FGF14: variants seen among roughly 807,000 people sequenced by gnomAD.
FGF14 encodes fibroblast growth factor 14.
FGF14 carries 5 observed loss-of-function variants against 25.5 expected under a neutral mutation model. That is an observed-to-expected ratio of 0.20 (90% confidence interval 0.10 to 0.41). The LOEUF (loss-of-function observed/expected upper bound fraction) is 0.41, where lower values mean the gene tolerates loss of function less well. FGF14 is among the 10% of genes least tolerant of loss of function. The pLI is 1.00. For missense variants in FGF14, 222 were observed against 320.1 expected, an observed-to-expected ratio of 0.69 and a Z score of 2.34; for synonymous variants, 138 against 118.3, an observed-to-expected ratio of 1.17 and a Z score of -1.08.
intron 1 of FGF14, among the ~76,000 whole-genome samples, chr13:102,132,321 G>A (rs1034023675): frequency 9.2e-5 from 14 of 152,082 alleles, no homozygotes; most frequent in Non-Finnish European, 1.8e-4. Context: ...TACTACTTTT[G>A]TAAATTTAAG....
At chr13:101,775,683 A>G (rs1347379205) in intron 3 of FGF14, among the ~76,000 whole-genome samples, 1 of 152,150 alleles carries the variant, frequency 6.6e-6, no homozygotes. Flanking sequence ...GCCTAGGGAA[A>G]AAGTGTAATG....
rs111338252 is a variant in FGF14, at chr13:102,346,685, C to T, written c.208+54786G>A. 3.0e-3 allele frequency among the ~76,000 whole-genome samples: 448 copies of T among 151,726 alleles called. 2 individuals carry two copies. The highest frequency in any genetic ancestry group is 0.01 in the African/African-American group (428 of 41,370). On this transcript the variant is annotated intron_variant, in intron 1 of 4. Coordinates refer to the FGF14 transcript ENST00000376131. ...AAAGATGGCTCATGGGAAAAGTCTT[C>T]AAGGTTATAAAATTTCAACACTGGA...
intron 1 of FGF14, among the ~76,000 whole-genome samples, chr13:102,146,970 C>G (rs2046880596): frequency 6.6e-6 from 1 of 152,190 alleles, no homozygotes; most frequent in African/African-American, 2.4e-5. Flanking sequence ...CTGCCAGTGG[C>G]TGGCAGCCTA....
rs555963652 is a variant in FGF14, at chr13:101,887,059, T to C, written c.194-11763A>G. Among the ~76,000 whole-genome samples the C allele has an allele frequency of 2.9e-4, 44 of 152,016 alleles. 1 individual carries two copies. The highest frequency in any genetic ancestry group is 1.3e-4 in the Non-Finnish European group (9 of 67,980). The stretch of plus-strand genomic sequence containing the variant: ...GGAAAATAACATATGCCGGGGAGGA[T>C]GCAGAGAAAGGGGAACCCTCATATG... On this transcript the variant is annotated intron_variant, in intron 1 of 4. Coordinates refer to ENST00000376143, the MANE Select transcript of FGF14 (RefSeq NM_004115.4).
At chr13:102,159,153 A>G (rs568357105) in intron 1 of FGF14, among the ~76,000 whole-genome samples, 33 of 142,034 alleles carry the variant, frequency 2.3e-4, no homozygotes, top group East Asian at 6.1e-4. Flanking sequence ...AAAAAAAAAA[A>G]AAAAGAAAAG....
rs60775005 is a variant in FGF14 at position 102,096,001 on chromosome 13, G to GTATA, written c.209-220709_209-220706dup. Among the ~76,000 whole-genome samples, 335 of 134,984 alleles carry GTATA rather than the reference G, an allele frequency of 2.5e-3. 1 individual carries two copies. Among genetic ancestry groups the GTATA allele is most frequent in the South Asian group, 0.011 (45 of 4,230 alleles). The allele number at this position is 134,984 out of a possible 152,430, so 88.6% of individuals were successfully genotyped here. A position where few individuals can be genotyped will look rare whatever the true frequency, so the allele number is the denominator to read the frequency against. ...TTTGTGTGTGTGTGTGTGTGTGTGT[G>GTATA]TATATATATATATATAATATATTTC... On this transcript the variant is annotated intron_variant, in intron 1 of 4. Transcript: ENST00000376131.
chr13:102,380,868 A>C (rs2058167950), intron 1 of FGF14, among the ~76,000 whole-genome samples: 1 of 152,194 alleles, frequency 6.6e-6, no homozygotes, highest in East Asian at 1.9e-4. Context: ...TTTTAATCAA[A>C]GATAAATATA....
chr13:102,305,607 A>C (rs1442937897), intron 1 of FGF14, among the ~76,000 whole-genome samples: 1 of 152,210 alleles, frequency 6.6e-6, no homozygotes, highest in Admixed American at 6.5e-5. Context: ...TATAAATACA[A>C]GTTTGCTAAA....
At chr13:101,954,520 C>T (rs938244941) in intron 1 of FGF14, among the ~76,000 whole-genome samples, 9 of 152,202 alleles carry the variant, frequency 5.9e-5, no homozygotes, top group African/African-American at 2.2e-4. Flanking sequence ...TTTATGCTTG[C>T]AAGAAGTTAA....
intron 1 of FGF14, among the ~76,000 whole-genome samples, chr13:102,070,032 G>T (rs1395287757): frequency 1.3e-5 from 2 of 152,002 alleles, no homozygotes; most frequent in Non-Finnish European, 2.9e-5. Flanking sequence ...TGAACAAATA[G>T]GATCACATCA....
At position 101,720,581 on chromosome 13, in the gene FGF14, T is replaced by TGTGAA. The variant is rs1391348460; in HGVS notation, c.*2245_*2249dup. 6.6e-6 allele frequency: 1 copy of TGTGAA among 151,606 alleles called. No homozygotes were observed. The highest frequency in any genetic ancestry group is 1.9e-4 in the East Asian group (1 of 5,146). 9.4% of individuals were successfully genotyped at this position (151,606 alleles called of 1,614,324 possible). ...GTGTGTGTGTATATGTGTGTGTTTG[T>TGTGAA]GTGAAGTGAAGTGTTGCTGCTGTAA... On this transcript the variant is annotated 3_prime_UTR_variant, in exon 5 of 5. Transcript: ENST00000376143.
In FGF14 at chr13:101,889,943, C is replaced by A. The variant is rs185722178; in HGVS notation, c.194-14647G>T. Among the ~76,000 whole-genome samples the A allele has an allele frequency of 1.3e-4, 20 of 152,260 alleles. No individual in the cohort carries two copies. The East Asian group carries it at 3.9e-3, about 29-fold the overall frequency. On this transcript the variant is annotated intron_variant, in intron 1 of 4. Transcript: ENST00000376143. ...CACCTGTCAAAACACTGCCCTATAT[C>A]AAGGCTTAGCTTAAATATCCCCATT...
chr13:102,226,814 G>C (rs1024771120), intron 1 of FGF14, among the ~76,000 whole-genome samples: 1 of 152,058 alleles, frequency 6.6e-6, no homozygotes, highest in African/African-American at 2.4e-5. Context: ...ATTTTCTCAT[G>C]AACAGCCACC....
At chr13:101,787,274 A>C (rs1343403415) in intron 3 of FGF14, among the ~76,000 whole-genome samples, 1 of 152,164 alleles carries the variant, frequency 6.6e-6, no homozygotes, top group African/African-American at 2.4e-5. Flanking sequence ...AGCTCTAATG[A>C]ATGTGTTTTG....
At chr13:102,079,770 G>C (rs2043531024) in intron 1 of FGF14, among the ~76,000 whole-genome samples, 1 of 152,114 alleles carries the variant, frequency 6.6e-6, no homozygotes, top group African/African-American at 2.4e-5. Context: ...AGATAGATGT[G>C]TCAACATATA....
At chr13:102,092,741 A>G (rs1380567432) in intron 1 of FGF14, among the ~76,000 whole-genome samples, 1 of 152,216 alleles carries the variant, frequency 6.6e-6, no homozygotes. Flanking sequence ...ATGCCTAGGC[A>G]CAACTACATT....
At chr13:102,141,426 C>G (rs569161074) in intron 1 of FGF14, among the ~76,000 whole-genome samples, 1 of 152,272 alleles carries the variant, frequency 6.6e-6, no homozygotes, top group East Asian at 1.9e-4. Context: ...AGTACAAAAA[C>G]AAGAAACAGT....
At chr13:101,756,364 G>A (rs139265968) in intron 3 of FGF14, among the ~76,000 whole-genome samples, 188 of 152,240 alleles carry the variant, frequency 1.2e-3, no homozygotes, top group African/African-American at 4.1e-3. Flanking sequence ...TTTAATTGCC[G>A]TAGTCTTGTT....
intron 1 of FGF14, among the ~76,000 whole-genome samples, chr13:102,212,147 T>C (rs2050188020): frequency 6.6e-6 from 1 of 152,196 alleles, no homozygotes; most frequent in African/African-American, 2.4e-5. Flanking sequence ...AGGTGATCTT[T>C]GTGCATCTTA....
Sources: gnomAD v4.1 joint callset for allele counts (sites outside exome capture counted in the v4.1 genomes callset) on GRCh38, gnomAD v4.1.1 for gene constraint, MANE v1.5 for transcripts, NCBI Gene and HGNC (gene_info 2026-07-23, HGNC 2026-07-21) for gene names.